CTNNA3: variants seen among roughly 807,000 people sequenced by gnomAD.
CTNNA3 encodes catenin alpha-3.
Under a neutral mutation model 95.7 loss-of-function variants are expected in CTNNA3, and 76 were observed. The observed-to-expected ratio is 0.79, with a 90% CI of 0.66 to 0.96. The LOEUF (loss-of-function observed/expected upper bound fraction) is 0.96, where lower values mean the gene tolerates loss of function less well. Among genes scored for constraint, CTNNA3 ranks in the 40% least tolerant of loss-of-function variants. The pLI is 0.00. For synonymous variants in CTNNA3, 431 were observed against 374.4 expected (o/e 1.15, Z -1.74); for missense variants, 1,191 against 1,089.8 (o/e 1.09, Z -1.31).
At chr10:66,921,985 G>T (rs998682281) in intron 7 of CTNNA3, among the ~76,000 whole-genome samples, 5 of 152,280 alleles carry the variant, frequency 3.3e-5, no homozygotes, top group Middle Eastern at 3.4e-3. Flanking sequence ...TTTCAGTTAT[G>T]AATTTCTAAG....
rs374016734 is a variant in CTNNA3 at position 66,835,110 on chromosome 10, C to T, written c.1048-59586G>A. ...AGACAAATGACAAAGTGCAGTATGA[C>T]TCTGAATAATTTCTTGACAGTAAAT... is the stretch of plus-strand genomic sequence containing the variant. On this transcript the variant is annotated intron_variant, in intron 7 of 17. Transcript: ENST00000433211. 9.3e-4 allele frequency among the ~76,000 whole-genome samples: 142 copies of T among 152,266 alleles called. 1 individual carries two copies. The highest frequency in any genetic ancestry group is 3.1e-3 in the African/African-American group (127 of 41,544).
At chr10:67,605,405 T>C (rs888115754) in intron 3 of CTNNA3, among the ~76,000 whole-genome samples, 7 of 152,150 alleles carry the variant, frequency 4.6e-5, no homozygotes, top group Non-Finnish European at 7.3e-5. Context: ...AATCAAAGGA[T>C]ACAAAGTTGC....
intron 13 of CTNNA3, among the ~76,000 whole-genome samples, chr10:66,176,849 A>T (rs1303473061): frequency 1.3e-5 from 2 of 152,092 alleles, no homozygotes; most frequent in Non-Finnish European, 2.9e-5. Flanking sequence ...TTGTTACAGC[A>T]GCCCAAACAG....
intron 13 of CTNNA3, among the ~76,000 whole-genome samples, chr10:66,197,933 A>G (rs1564753524): frequency 6.6e-6 from 1 of 152,214 alleles, no homozygotes; most frequent in Non-Finnish European, 1.5e-5. Flanking sequence ...AGAAATATAC[A>G]GGAAAATAAC....
intron 9 of CTNNA3, among the ~76,000 whole-genome samples, chr10:66,633,174 C>T (rs1845205673): frequency 6.6e-6 from 1 of 152,016 alleles, no homozygotes; most frequent in African/African-American, 2.4e-5. Context: ...ATCTGTCATT[C>T]AGAAATACTT....
At chr10:65,935,238 A>C (rs1055541642) in intron 17 of CTNNA3, among the ~76,000 whole-genome samples, 1 of 152,148 alleles carries the variant, frequency 6.6e-6, no homozygotes, top group Non-Finnish European at 1.5e-5. Flanking sequence ...AAGAATAAAG[A>C]ATTTGTTTTG....
At chr10:66,479,182 T>G (rs558095340) in intron 11 of CTNNA3, among the ~76,000 whole-genome samples, 2 of 152,142 alleles carry the variant, frequency 1.3e-5, no homozygotes, top group Admixed American at 1.3e-4. Context: ...CTCTATTATC[T>G]ATCAAGTCTC....
intron 17 of CTNNA3, among the ~76,000 whole-genome samples, chr10:65,960,005 TC>T (rs1377235382): frequency 6.6e-6 from 1 of 152,190 alleles, no homozygotes; most frequent in African/African-American, 2.4e-5. Context: ...GCTTATTTTC[TC>T]TTCTAAGCAG....
At chr10:66,909,828 A>C (rs569565064) in intron 7 of CTNNA3, among the ~76,000 whole-genome samples, 1 of 152,288 alleles carries the variant, frequency 6.6e-6, no homozygotes, top group African/African-American at 2.4e-5. Context: ...TATGATAATG[A>C]TATAGCCATT....
chr10:67,372,655 A>T (rs1843523010), intron 5 of CTNNA3, among the ~76,000 whole-genome samples: 9 of 152,098 alleles, frequency 5.9e-5, no homozygotes. Context: ...GAGAAGAGCA[A>T]CTCCAAGACA....
At chr10:66,287,106 G>A (rs202162548) in intron 12 of CTNNA3, among the ~76,000 whole-genome samples, 1 of 151,832 alleles carries the variant, frequency 6.6e-6, no homozygotes. Context: ...TCTTGGACAC[G>A]CTAATGCCTG....
chr10:66,833,260 C>A (rs1010015651), intron 7 of CTNNA3, among the ~76,000 whole-genome samples: 3 of 152,146 alleles, frequency 2.0e-5, no homozygotes, highest in African/African-American at 7.2e-5. Flanking sequence ...CTGCTGCTAG[C>A]CAGTCTGCCA....
At chr10:66,716,395 C>A (rs1355705238) in intron 9 of CTNNA3, among the ~76,000 whole-genome samples, 3 of 152,084 alleles carry the variant, frequency 2.0e-5, no homozygotes, top group Admixed American at 6.6e-5. Flanking sequence ...CCCACCCCAC[C>A]CACCTGCTGC....
At chr10:66,635,154 C>T (rs975936695) in intron 9 of CTNNA3, among the ~76,000 whole-genome samples, 10 of 152,040 alleles carry the variant, frequency 6.6e-5, no homozygotes, top group Non-Finnish European at 1.3e-4. Flanking sequence ...TCAGAATCAC[C>T]ACTCAAAGGA....
intron 11 of CTNNA3, among the ~76,000 whole-genome samples, chr10:66,477,030 A>G (rs954458607): frequency 2.6e-5 from 4 of 152,140 alleles, no homozygotes; most frequent in African/African-American, 9.6e-5. Flanking sequence ...ATAGTCTGAT[A>G]TTTTATTACA....
At chr10:67,124,208 T>C (rs1039599179) in intron 7 of CTNNA3, among the ~76,000 whole-genome samples, 1 of 152,302 alleles carries the variant, frequency 6.6e-6, no homozygotes, top group Non-Finnish European at 1.5e-5. Flanking sequence ...ATGTTTCAAA[T>C]TTTAAAAATA....
intron 5 of CTNNA3, among the ~76,000 whole-genome samples, chr10:67,397,052 A>G (rs775286057): frequency 9.9e-5 from 15 of 152,174 alleles, no homozygotes; most frequent in Non-Finnish European, 2.1e-4. Flanking sequence ...ATGGACTAAT[A>G]CAGTATATTG....
At chr10:66,416,421 C>G (rs926496025) in intron 11 of CTNNA3, among the ~76,000 whole-genome samples, 1 of 151,898 alleles carries the variant, frequency 6.6e-6, no homozygotes, top group African/African-American at 2.4e-5. Context: ...CCAAATCTAG[C>G]AAGAGATTTA....
intron 13 of CTNNA3, among the ~76,000 whole-genome samples, chr10:66,167,847 A>G (rs142028124): frequency 6.6e-6 from 1 of 152,312 alleles, no homozygotes; most frequent in Non-Finnish European, 1.5e-5. Flanking sequence ...AGGAGTCCCA[A>G]GGCACAGGTA....
Sources: gnomAD v4.1 joint callset for allele counts (sites outside exome capture counted in the v4.1 genomes callset) on GRCh38, gnomAD v4.1.1 for gene constraint, MANE v1.5 for transcripts, NCBI Gene and HGNC (gene_info 2026-07-23, HGNC 2026-07-21) for gene names.